MTFR1: variants seen among roughly 807,000 people sequenced by gnomAD.
MTFR1 encodes the protein mitochondrial fission regulator 1.
A neutral mutation model predicts 38.8 loss-of-function variants in MTFR1; 28 were observed. That is an observed-to-expected ratio of 0.72 (90% CI 0.53 to 0.99). The LOEUF (loss-of-function observed/expected upper bound fraction) is 0.99, where lower values mean the gene tolerates loss of function less well. Ranked by LOEUF, MTFR1 falls within the 50% of genes least tolerant of loss-of-function variation. The pLI, the probability that MTFR1 is intolerant of heterozygous loss-of-function variation, is 0.00. For synonymous variants in MTFR1, 145 were observed against 137.0 expected, an observed-to-expected ratio of 1.06 and a Z score of -0.41; for missense variants, 358 against 395.5, an observed-to-expected ratio of 0.91 and a Z score of 0.81.
At chr8:65,771,415 GAAGA>G (rs749454378), downstream of MTFR1, among the ~76,000 whole-genome samples, 1 of 151,986 alleles carries the variant, frequency 6.6e-6, no homozygotes, top group Non-Finnish European at 1.5e-5. Context: ...ACAGCACATA[GAAGA>G]AATTAAAAAA....
downstream of MTFR1, among the ~76,000 whole-genome samples, chr8:65,774,977 C>T (rs997090132): frequency 2.6e-5 from 4 of 152,284 alleles, no homozygotes; most frequent in East Asian, 7.7e-4. Context: ...TCACAGACCG[C>T]ACTTTAAGTA....
intron 1 of MTFR1, among the ~76,000 whole-genome samples, chr8:65,666,575 A>G (rs1482208897): frequency 6.6e-6 from 1 of 152,212 alleles, no homozygotes; most frequent in African/African-American, 2.4e-5. Context: ...AAGTTATACT[A>G]ACTATGCTTT....
At chr8:65,697,793 A>T (rs1008491447) in intron 4 of MTFR1, among the ~76,000 whole-genome samples, 5 of 152,208 alleles carry the variant, frequency 3.3e-5, no homozygotes, top group Non-Finnish European at 7.3e-5. Flanking sequence ...TAATGATGTT[A>T]AACATCTTTT....
At chr8:65,644,336 G>GTC (rs1808889157), upstream of MTFR1, among the ~76,000 whole-genome samples, 1 of 152,146 alleles carries the variant, frequency 6.6e-6, no homozygotes, top group Non-Finnish European at 1.5e-5. Context: ...TCTGCCGGGT[G>GTC]GACACAGGTC....
chr8:65,646,983 A>G (rs190295815), intron 1 of MTFR1, among the ~76,000 whole-genome samples: 3 of 152,330 alleles, frequency 2.0e-5, no homozygotes, highest in Admixed American at 2.0e-4. Flanking sequence ...TAGGAATCCT[A>G]CTGGATAGGA....
chr8:65,718,154 C>G (rs1806216010), intron 2 of MTFR1: 1 of 152,224 alleles, frequency 6.6e-6, no homozygotes, highest in Admixed American at 6.5e-5. Flanking sequence ...AGCTTACCTA[C>G]CAACCTTCCC....
chr8:65,757,165 C>T (rs1448966080), intron 3 of MTFR1, among the ~76,000 whole-genome samples: 10 of 152,136 alleles, frequency 6.6e-5, no homozygotes, highest in Non-Finnish European at 1.5e-4. Context: ...GACCCACAAT[C>T]AGAAAAGTGG....
In MTFR1 at chr8:65,739,969, C is replaced by G. The variant is rs112754344; in HGVS notation, c.*48+20488C>G. 9.8e-3 allele frequency among the ~76,000 whole-genome samples: 1,495 copies of G among 152,288 alleles called. 11 individuals are homozygous for G. The highest frequency in any genetic ancestry group is 0.02 in the South Asian group (96 of 4,824). ...CCTGACCTCCCTCCTGACATTGCCT[C>G]TGCCATCTTGCTTTCACTGAAACTG... is the stretch of plus-strand genomic sequence containing the variant. On this transcript the variant is annotated intron_variant, in intron 3 of 3. Transcript: ENST00000521247.
At chr8:65,716,033 G>T (rs1806125217) in intron 2 of MTFR1, among the ~76,000 whole-genome samples, 1 of 146,082 alleles carries the variant, frequency 6.8e-6, no homozygotes, top group African/African-American at 2.5e-5. Context: ...AAATTAGCTG[G>T]GTGGTGTGGT....
chr8:65,768,081 T>C (rs1415855460), intron 3 of MTFR1, among the ~76,000 whole-genome samples: 4 of 152,134 alleles, frequency 2.6e-5, no homozygotes, highest in Non-Finnish European at 5.9e-5. Context: ...TGTCCACCGC[T>C]TGGTGTGTTG....
At chr8:65,723,636 A>T in intron 3 of MTFR1, 1 of 1,505,566 alleles carries the variant, frequency 6.6e-7, no homozygotes, top group Non-Finnish European at 8.9e-7. Flanking sequence ...AAATTAAAAA[A>T]AGAGAAGTAT....
chr8:65,710,837 A>ACGT (rs1805922181), downstream of MTFR1, among the ~76,000 whole-genome samples: 1 of 152,136 alleles, frequency 6.6e-6, no homozygotes, highest in South Asian at 2.1e-4. Context: ...TCCCACACCC[A>ACGT]CGTCATTCAG....
intron 2 of MTFR1, among the ~76,000 whole-genome samples, chr8:65,678,409 A>T (rs985114157): frequency 1.3e-5 from 2 of 152,152 alleles, no homozygotes; most frequent in African/African-American, 4.8e-5. Context: ...CATTCTAAAT[A>T]TTTCAGTCAT....
intron 3 of MTFR1, among the ~76,000 whole-genome samples, chr8:65,739,080 T>C (rs1318373167): frequency 6.6e-6 from 1 of 152,264 alleles, no homozygotes; most frequent in East Asian, 1.9e-4. Flanking sequence ...ATCAGCTCTC[T>C]CGGAAACCTG....
chr8:65,708,546 C>T (rs1046501436), intron 7 of MTFR1, among the ~76,000 whole-genome samples: 2 of 152,142 alleles, frequency 1.3e-5, no homozygotes, highest in Non-Finnish European at 2.9e-5. Context: ...TGGAAGCTCC[C>T]ACATAATAAT....
chr8:65,657,334 A>T (rs1392221261), intron 1 of MTFR1, among the ~76,000 whole-genome samples: 1 of 152,158 alleles, frequency 6.6e-6, no homozygotes, highest in Non-Finnish European at 1.5e-5. Context: ...TTTAAACAAG[A>T]TTTTATTTTT....
At chr8:65,761,300 G>A (rs1029755834) in intron 3 of MTFR1, among the ~76,000 whole-genome samples, 7 of 151,978 alleles carry the variant, frequency 4.6e-5, no homozygotes, top group African/African-American at 1.5e-4. Flanking sequence ...TCCTGACCTC[G>A]TGATCCACCT....
chr8:65,726,131 C>A (rs1585828599), intron 3 of MTFR1, among the ~76,000 whole-genome samples: 1 of 152,266 alleles, frequency 6.6e-6, no homozygotes, highest in African/African-American at 2.4e-5. Flanking sequence ...TATTTTTATA[C>A]CTCACCACTT....
rs531130769 is a variant in MTFR1 at position 65,729,632 on chromosome 8, C to T, written c.*48+10151C>T. Among the ~76,000 whole-genome samples, 50 of 151,958 alleles carry T rather than the reference C, an allele frequency of 3.3e-4. 1 individual carries two copies. The highest frequency in any genetic ancestry group is 3.3e-3 in the East Asian group (17 of 5,170). ...AGCCTGGAGTGCAGTGGTGCGATCT[C>T]GGCTCACTGCAGCCTCTGCCTCCCA... On this transcript the variant is annotated intron_variant, in intron 3 of 3. Coordinates refer to the MTFR1 transcript ENST00000521247.
Sources: gnomAD v4.1 joint callset for allele counts (sites outside exome capture counted in the v4.1 genomes callset) on GRCh38, gnomAD v4.1.1 for gene constraint, MANE v1.5 for transcripts, NCBI Gene and HGNC (gene_info 2026-07-23, HGNC 2026-07-21) for gene names.